EVC: variants seen among roughly 807,000 people sequenced by gnomAD.
The protein encoded by EVC is evC complex member EVC.
Under a neutral mutation model 118.9 loss-of-function variants are expected in EVC, and 116 were observed. The observed-to-expected ratio is 0.98, with a 90% CI of 0.84 to 1.14. The LOEUF (loss-of-function observed/expected upper bound fraction) is 1.14, where lower values mean the gene tolerates loss of function less well. Ranked by LOEUF, EVC falls within the 50% of genes most tolerant of loss-of-function variation. The probability of loss-of-function intolerance (pLI) is 0.00; values close to 1 mark genes in which losing one functional copy is unlikely to be tolerated. For missense variants in EVC, 1,401 were observed against 1,246.4 expected (o/e 1.12, Z -1.87); for synonymous variants, 619 against 534.7 (o/e 1.16, Z -2.18).
chr4:5,711,725 T>A (rs1466392028), intron 1 of EVC, among the ~76,000 whole-genome samples, 171 bp downstream of exon 1: 1 of 152,128 alleles, frequency 6.6e-6, no homozygotes, highest in Admixed American at 6.5e-5. Context: ...GGTGGCGGCG[T>A]GACTAAAGGG....
the EVC span, chr4:5,824,695 T>C: frequency 1.0e-6 from 1 of 983,982 alleles, no homozygotes; most frequent in African/African-American, 1.7e-5. Context: ...GCCTCTTAGC[T>C]TACAAAGCCT....
At chr4:5,740,674 G>A (rs949262811) in intron 5 of EVC, among the ~76,000 whole-genome samples, 1 of 152,136 alleles carries the variant, frequency 6.6e-6, no homozygotes, top group African/African-American at 2.4e-5. Flanking sequence ...GAGAGAAAAT[G>A]TTTGCAAAAC....
Position 5,810,978 on chromosome 4 carries a change from A to C in EVC, c.2920A>C (p.Ser974Arg). The change falls in exon 21 of 21, where the codon AGT (serine) becomes CGT (arginine). Residue 974 changes from serine (S) to arginine (R), a missense_variant. Coordinates refer to ENST00000264956, the MANE Select transcript of EVC (RefSeq NM_153717.3). ...LSSKRLSQQE[S>R]EAGDSGNSKK... ...CAGCAAAAGGCTGAGTCAGCAAGAAAGTGAAGCTGGGGACAGTGGGAACTC... is the reference window on the plus strand; with the variant it reads ...CAGCAAAAGGCTGAGTCAGCAAGAACGTGAAGCTGGGGACAGTGGGAACTC... 2 of 1,613,140 alleles carry C rather than the reference A, an allele frequency of 1.2e-6. No homozygotes were observed. Among genetic ancestry groups the C allele is most frequent in the Non-Finnish European group, 1.7e-6 (2 of 1,179,484 alleles).
intron 1 of EVC, among the ~76,000 whole-genome samples, chr4:5,716,322 C>G (rs761662708): frequency 6.6e-6 from 1 of 152,182 alleles, no homozygotes; most frequent in Non-Finnish European, 1.5e-5. Flanking sequence ...CCTAAAAGGG[C>G]CAGACATCTT....
rs1730829103 is a variant in EVC at position 5,754,175 on chromosome 4, G to A, written c.1464+242G>A. Reference sequence around the variant, plus strand: ...GGGCTGCTGAGAAGAGGAGGGGGTAGGATCCGTAGAGAGCTTGGCAGAGTG... The same window carrying A: ...GGGCTGCTGAGAAGAGGAGGGGGTAAGATCCGTAGAGAGCTTGGCAGAGTG... On this transcript the variant is annotated intron_variant, in intron 10 of 20. Transcript: ENST00000264956. The surrounding 1 kb of genome is among the most constrained non-coding windows in gnomAD (Gnocchi z 5.8). 6.6e-6 allele frequency among the ~76,000 whole-genome samples: 1 copy of A among 152,190 alleles called. No homozygotes were observed. The highest frequency in any genetic ancestry group is 1.5e-5 in the Non-Finnish European group (1 of 68,030).
chr4:5,827,091 C>T, the EVC span, among the ~76,000 whole-genome samples: 2 of 152,220 alleles, frequency 1.3e-5, no homozygotes, highest in Admixed American at 6.5e-5. Flanking sequence ...CTCCTGCAGG[C>T]ATGAAGGAAT....
At chr4:5,773,122 AGACAT>A (rs1734235542) in intron 11 of EVC, among the ~76,000 whole-genome samples, 1 of 152,178 alleles carries the variant, frequency 6.6e-6, no homozygotes, top group South Asian at 2.1e-4. Context: ...AGGTGCCAGG[AGACAT>A]TTGCAAAATG....
intron 2 of EVC, among the ~76,000 whole-genome samples, chr4:5,727,310 C>T (rs1051796703): frequency 6.6e-6 from 1 of 152,190 alleles, no homozygotes; most frequent in Admixed American, 6.5e-5. Flanking sequence ...ATGTGCATTT[C>T]TCTGATGGCC....
At chr4:5,767,497 G>C (rs1463805179) in intron 11 of EVC, among the ~76,000 whole-genome samples, 5 of 150,488 alleles carry the variant, frequency 3.3e-5, no homozygotes, top group Non-Finnish European at 7.4e-5. Context: ...CTCTCCCCCA[G>C]CGTGGCTGCC....
chr4:5,743,608 T>C lies in EVC; in HGVS notation c.802-1596T>C, dbSNP rs140718768. Among the ~76,000 whole-genome samples the C allele has an allele frequency of 1.7e-3, 256 of 152,184 alleles. No individual in the cohort carries two copies. The highest frequency in any genetic ancestry group is 6.8e-3 in the Middle Eastern group (2 of 292). On this transcript the variant is annotated intron_variant, in intron 6 of 20. Transcript: ENST00000264956. This position sits in a 1 kb window ranked among gnomAD's most constrained non-coding sequence, Gnocchi z 4.7. The stretch of plus-strand genomic sequence containing the variant: ...CGTCCTTGTTCCTACCACTGTGAGA[T>C]CTGGGGGTTTGGGAAGGAATGTTTC...
chr4:5,747,938 A>C, intron 7 of EVC: 1 of 600,920 alleles, frequency 1.7e-6, no homozygotes, highest in Non-Finnish European at 3.0e-6. Flanking sequence ...CACCATTGCA[A>C]AACTGACTGA....
the EVC span, chr4:5,825,656 A>G: frequency 3.1e-6 from 5 of 1,612,456 alleles, no homozygotes; most frequent in Admixed American, 6.7e-5. This position sits in a 1 kb window ranked among gnomAD's most constrained non-coding sequence, Gnocchi z 4.4. Flanking sequence ...TGCAATCCAA[A>G]AACCTAAACA....
chr4:5,765,266 G>A (rs1441487347), intron 11 of EVC, among the ~76,000 whole-genome samples: 1 of 117,878 alleles, frequency 8.5e-6, no homozygotes, highest in Non-Finnish European at 1.8e-5. Context: ...TGGTCTGAGA[G>A]ATAGTTTGTT....
the EVC span, chr4:5,821,443 A>C: frequency 2.7e-6 from 1 of 363,840 alleles, no homozygotes; most frequent in Non-Finnish European, 5.1e-6. The surrounding 1 kb of genome is among the most constrained non-coding windows in gnomAD (Gnocchi z 4.4). Flanking sequence ...TCAGAGAATC[A>C]TGGAGCCAGT....
chr4:5,794,257 GTATTTATATATTTATATA>G (rs1560419412), intron 13 of EVC, among the ~76,000 whole-genome samples: 1 of 29,660 alleles, frequency 3.4e-5, no homozygotes, highest in African/African-American at 9.0e-5. Context: ...ATATTTATAT[GTATTTATATATTTATATA>G]TATTTATATA....
intron 2 of EVC, among the ~76,000 whole-genome samples, chr4:5,720,549 G>A (rs539270756): frequency 2.0e-5 from 3 of 152,190 alleles, no homozygotes; most frequent in South Asian, 2.1e-4. Flanking sequence ...AAGTGGGCTC[G>A]GGATATAAAA....
In EVC at chr4:5,715,725, G is replaced by A. The variant is rs146609929; in HGVS notation, c.175-3523G>A. On this transcript the variant is annotated intron_variant, in intron 1 of 20. Transcript: ENST00000264956. The stretch of plus-strand genomic sequence containing the variant: ...ATAATTTTCCTCCAGAATTTCGAAG[G>A]CATTTTTCCATTGTCTTTTTTTTTT... Among the ~76,000 whole-genome samples, 45 of 145,750 alleles carry A rather than the reference G, an allele frequency of 3.1e-4. 1 individual carries two copies. The East Asian group carries it at 8.3e-3, about 27-fold the overall frequency.
intron 11 of EVC, among the ~76,000 whole-genome samples, chr4:5,780,800 A>G (rs920765029): frequency 3.3e-5 from 5 of 152,224 alleles, no homozygotes; most frequent in African/African-American, 1.2e-4. Flanking sequence ...CTCAGCCTAT[A>G]GTTGTACCCA....
chr4:5,738,401 T>A lies in EVC; in HGVS notation c.703-3315T>A, dbSNP rs1279836215. Among the ~76,000 whole-genome samples the A allele has an allele frequency of 6.6e-6, 1 of 152,190 alleles. No homozygotes were observed. Among genetic ancestry groups the A allele is most frequent in the Non-Finnish European group, 1.5e-5 (1 of 68,032 alleles). Reference sequence around the variant, plus strand: ...GGATTGACTCCAAGTTTTAAAGTTCTACTGTGGGCAAATTGCTATCGAATA... The same window carrying A: ...GGATTGACTCCAAGTTTTAAAGTTCAACTGTGGGCAAATTGCTATCGAATA... On this transcript the variant is annotated intron_variant, in intron 5 of 20. Transcript: ENST00000264956. The surrounding 1 kb of genome is among the most constrained non-coding windows in gnomAD (Gnocchi z 6.5).
Sources: allele counts gnomAD v4.1 joint callset (sites outside exome capture counted in the v4.1 genomes callset), GRCh38; gene constraint gnomAD v4.1.1; non-coding constraint Gnocchi (gnomAD v3.1); transcripts MANE v1.5; gene names NCBI Gene and HGNC (gene_info 2026-07-23, HGNC 2026-07-21).